Variants in DCUN1D3 observed in about 807,000 individuals in gnomAD.
The protein encoded by DCUN1D3 is DCN1-like protein 3.
Under a neutral mutation model 24.8 loss-of-function variants are expected in DCUN1D3, and 6 were observed. The observed-to-expected ratio is 0.24, with a 90% CI of 0.13 to 0.48. DCUN1D3 has a LOEUF of 0.48. DCUN1D3 is among the 20% of genes least tolerant of loss of function. DCUN1D3 has a pLI of 0.99. For synonymous variants in DCUN1D3, 120 were observed against 144.9 expected (o/e 0.83, Z 1.24); for missense variants, 258 against 379.4 (o/e 0.68, Z 2.66).
Position 20,862,504 on chromosome 16 carries a change from G to A in DCUN1D3, c.35C>T (p.Ser12Leu). ...GQCVTKCKNP[S>L]STLGSKNGDR... ...TCCATTTTTGCTGCCCAGGGTCGATGAGGGATTCTTACACTTGGTGACACA... is the reference window on the plus strand; with the variant it reads ...TCCATTTTTGCTGCCCAGGGTCGATAAGGGATTCTTACACTTGGTGACACA... The change falls in exon 2 of 3, where the codon TCA becomes TTA. Residue 12 changes from serine (S) to leucine (L), a missense_variant. Ser to Leu is a moderately radical substitution (Grantham distance 145, BLOSUM62 -2). Coordinates refer to ENST00000324344, the MANE Select transcript of DCUN1D3 (RefSeq NM_173475.4). 3 of 1,608,212 alleles carry A rather than the reference G, an allele frequency of 1.9e-6. No homozygotes were observed. Among genetic ancestry groups the A allele is most frequent in the Non-Finnish European group, 8.5e-7 (1 of 1,179,940 alleles).
At chr16:20,873,328 A>G (rs754194732) in intron 1 of DCUN1D3, among the ~76,000 whole-genome samples, 23 of 152,236 alleles carry the variant, frequency 1.5e-4, no homozygotes, top group Non-Finnish European at 3.2e-4. Flanking sequence ...GGAAAAGAAG[A>G]GGACAAAGAT....
Position 20,862,618 on chromosome 16 carries a change from G to A in DCUN1D3, c.-80C>T. ...GCCGCTGGCCCATGTACCTCAACAT[G>A]CCATCAGCCAGAGGAGCCAGCCAAC... On this transcript the variant is annotated 5_prime_UTR_variant, in exon 2 of 3. Coordinates refer to ENST00000324344, the MANE Select transcript of DCUN1D3 (RefSeq NM_173475.4). The A allele has an allele frequency of 6.6e-7, 1 of 1,523,358 alleles. No homozygotes were observed. Among genetic ancestry groups the A allele is most frequent in the African/African-American group, 1.4e-5 (1 of 72,346 alleles). The allele number at this position is 1,523,358 out of a possible 1,614,324, so 94.4% of individuals were successfully genotyped here. A position where few individuals can be genotyped will look rare whatever the true frequency, so the allele number is the denominator to read the frequency against.
In DCUN1D3 at chr16:20,857,161, T is replaced by C. The variant is rs2152515474; in HGVS notation, c.*2725A>G. 1 of 152,360 alleles carries C rather than the reference T, an allele frequency of 6.6e-6. No individual in the cohort carries two copies. Among genetic ancestry groups the C allele is most frequent in the South Asian group, 2.1e-4 (1 of 4,824 alleles). The allele number at this position is 152,360 out of a possible 1,614,324, so 9.4% of individuals were successfully genotyped here. A position where few individuals can be genotyped will look rare whatever the true frequency, so the allele number is the denominator to read the frequency against. ...CTTGTGGTCATGAAAGAGTCAAGCA[T>C]TGGCCCAGAGCTACTGCAGAAGCTT... On this transcript the variant is annotated 3_prime_UTR_variant, in exon 3 of 3. Transcript: ENST00000324344.
intron 1 of DCUN1D3, among the ~76,000 whole-genome samples, chr16:20,864,819 A>C (rs1304479954): frequency 4.0e-5 from 6 of 151,732 alleles, no homozygotes; most frequent in African/African-American, 1.5e-4. Flanking sequence ...CATAAAAAAG[A>C]ACGAGATCAT....
rs79258310 is a variant in DCUN1D3 at position 20,895,923 on chromosome 16, C to G, written c.-106+4281G>C. Reference sequence around the variant, plus strand: ...TTCACCTCAAAACAACTGGCAACTACTGCACAATTAAATGTCCTTACTTCA... The same window carrying G: ...TTCACCTCAAAACAACTGGCAACTAGTGCACAATTAAATGTCCTTACTTCA... On this transcript the variant is annotated intron_variant, in intron 1 of 2. Transcript: ENST00000324344. Among the ~76,000 whole-genome samples, 1,009 of 152,352 alleles carry G rather than the reference C, an allele frequency of 6.6e-3. 6 individuals carry two copies. The highest frequency in any genetic ancestry group is 0.011 in the Non-Finnish European group (730 of 68,038).
chr16:20,865,002 G>A (rs2081754437), intron 1 of DCUN1D3, among the ~76,000 whole-genome samples: 1 of 152,138 alleles, frequency 6.6e-6, no homozygotes, highest in African/African-American at 2.4e-5. Context: ...GGTGGAGGGT[G>A]GTAGGAGGGA....
chr16:20,889,937 G>T (rs891156408), intron 1 of DCUN1D3, among the ~76,000 whole-genome samples: 3 of 152,094 alleles, frequency 2.0e-5, no homozygotes, highest in Non-Finnish European at 4.4e-5. Context: ...AATCACCAAT[G>T]GTCAATGATC....
At chr16:20,865,347 G>A (rs966320001) in intron 1 of DCUN1D3, among the ~76,000 whole-genome samples, 2 of 152,072 alleles carry the variant, frequency 1.3e-5, no homozygotes, top group African/African-American at 4.8e-5. Flanking sequence ...TCGTCATGGT[G>A]GTTTATTAAT....
chr16:20,861,043 C>T (rs2081729689), intron 2 of DCUN1D3, among the ~76,000 whole-genome samples: 1 of 152,142 alleles, frequency 6.6e-6, no homozygotes, highest in Admixed American at 6.5e-5. Flanking sequence ...ATGCAAACTA[C>T]AAATTGTATG....
chr16:20,899,325 A>G (rs2081944400), intron 1 of DCUN1D3, among the ~76,000 whole-genome samples: 2 of 152,372 alleles, frequency 1.3e-5, no homozygotes, highest in Admixed American at 1.3e-4. Context: ...TTCCTGGGCT[A>G]TGATGCCATT....
intron 1 of DCUN1D3, among the ~76,000 whole-genome samples, chr16:20,872,878 G>A (rs1231378915): frequency 6.6e-6 from 1 of 152,230 alleles, no homozygotes; most frequent in Non-Finnish European, 1.5e-5. Flanking sequence ...AGCACTTTGG[G>A]AGGCCAAGGC....
At chr16:20,888,078 G>A (rs1321908374) in intron 1 of DCUN1D3, among the ~76,000 whole-genome samples, 1 of 152,162 alleles carries the variant, frequency 6.6e-6, no homozygotes, top group African/African-American at 2.4e-5. Context: ...TGTGTCTACT[G>A]TGTGCCTAGC....
chr16:20,881,648 G>A (rs770260050), intron 1 of DCUN1D3, among the ~76,000 whole-genome samples: 4 of 151,964 alleles, frequency 2.6e-5, no homozygotes, highest in African/African-American at 4.8e-5. Context: ...AGCTACTCTC[G>A]GAGGTTCCTA....
Position 20,862,627 on chromosome 16 carries a change from C to A in DCUN1D3, c.-89G>T. 6.6e-7 allele frequency: 1 copy of A among 1,519,566 alleles called. No individual in the cohort carries two copies. Among genetic ancestry groups the A allele is most frequent in the Non-Finnish European group, 8.7e-7 (1 of 1,144,640 alleles). 94.1% of individuals were successfully genotyped at this position (1,519,566 alleles called of 1,614,324 possible). A position where few individuals can be genotyped will look rare whatever the true frequency, so the allele number is the denominator to read the frequency against. ...CCATGTACCTCAACATGCCATCAGC[C>A]AGAGGAGCCAGCCAACCTGGAAGGA... On this transcript the variant is annotated 5_prime_UTR_variant, in exon 2 of 3. Transcript: ENST00000324344.
At chr16:20,896,643 C>T (rs898126307) in intron 1 of DCUN1D3, among the ~76,000 whole-genome samples, 2 of 151,400 alleles carry the variant, frequency 1.3e-5, no homozygotes, top group African/African-American at 4.8e-5. Flanking sequence ...TTACAATAAA[C>T]CATTGAAATG....
intron 1 of DCUN1D3, among the ~76,000 whole-genome samples, chr16:20,890,153 T>A (rs2081885806): frequency 1.3e-5 from 2 of 152,130 alleles, no homozygotes; most frequent in Admixed American, 6.5e-5. Flanking sequence ...AAAACTGTAA[T>A]CCTAAATATC....
At chr16:20,863,112 A>G (rs987517575) in intron 1 of DCUN1D3, among the ~76,000 whole-genome samples, 2 of 152,198 alleles carry the variant, frequency 1.3e-5, no homozygotes, top group African/African-American at 4.8e-5. Flanking sequence ...ATTCAGAACA[A>G]TAGTCTCATA....
At chr16:20,861,774 A>G (rs1272938274) in intron 2 of DCUN1D3, among the ~76,000 whole-genome samples, 1 of 149,134 alleles carries the variant, frequency 6.7e-6, no homozygotes, top group Admixed American at 6.7e-5. Context: ...AAAGAAAAAG[A>G]AAAAAAAAAC....
intron 1 of DCUN1D3, among the ~76,000 whole-genome samples, chr16:20,870,739 C>A (rs1287637174): frequency 6.6e-6 from 1 of 152,180 alleles, no homozygotes; most frequent in Non-Finnish European, 1.5e-5. Context: ...TGCTGGTGCT[C>A]CTACATATTA....
Sources: gnomAD v4.1 joint callset for allele counts (sites outside exome capture counted in the v4.1 genomes callset) on GRCh38, gnomAD v4.1.1 for gene constraint, MANE v1.5 for transcripts, NCBI Gene and HGNC (gene_info 2026-07-23, HGNC 2026-07-21) for gene names.